The following GAB1 variants were observed in gnomAD, a reference collection of about 807,000 sequenced individuals.
GAB1 encodes the protein GRB2-associated-binding protein 1.
Under a neutral mutation model 66.5 loss-of-function variants are expected in GAB1, and 19 were observed. That is an observed-to-expected ratio of 0.29 (90% confidence interval 0.20 to 0.42). The LOEUF (loss-of-function observed/expected upper bound fraction) is 0.42. GAB1 is among the 10% of genes least tolerant of loss of function. The pLI, the probability that GAB1 is intolerant of heterozygous loss-of-function variation, is 1.00. For missense variants in GAB1, 732 were observed against 858.5 expected (o/e 0.85, Z 1.84); for synonymous variants, 294 against 301.4 (o/e 0.98, Z 0.25).
At position 143,473,746 on chromosome 4, in the gene GAB1, C is replaced by G. The variant is rs1736174326; in HGVS notation, c.*4557C>G. On this transcript the variant is annotated 3_prime_UTR_variant, in exon 10 of 10. Transcript: ENST00000262994. ...GGATTTTTCATTTCTATGAAAGTTT[C>G]AAACATCTCCAGTACTTTATAAAAT... is the stretch of plus-strand genomic sequence containing the variant. The G allele has an allele frequency of 6.6e-6, 1 of 152,148 alleles. No homozygotes were observed. The highest frequency in any genetic ancestry group is 6.6e-5 in the Admixed American group (1 of 15,260). 9.4% of individuals were successfully genotyped at this position (152,148 alleles called of 1,614,324 possible). A position where few individuals can be genotyped will look rare whatever the true frequency, so the allele number is the denominator to read the frequency against.
At chr4:143,399,001 C>T (rs1321643187) in intron 1 of GAB1, among the ~76,000 whole-genome samples, 1 of 152,136 alleles carries the variant, frequency 6.6e-6, no homozygotes, top group African/African-American at 2.4e-5. Context: ...GATGAGTGTG[C>T]TTTCTGATAG....
intron 8 of GAB1, 41 bp from the exon 9 acceptor site, chr4:143,466,062 G>A (rs1735763768): frequency 1.9e-6 from 3 of 1,608,404 alleles, no homozygotes; most frequent in South Asian, 2.2e-5. Context: ...GGTATGTCTG[G>A]TGAATGTCTG....
chr4:143,423,737 C>T (rs1733149663), intron 2 of GAB1, among the ~76,000 whole-genome samples: 1 of 139,572 alleles, frequency 7.2e-6, no homozygotes, highest in African/African-American at 2.6e-5. Context: ...GATCGCGCCA[C>T]TGCACTCCAG....
chr4:143,456,528 G>A (rs1301804492), intron 6 of GAB1, among the ~76,000 whole-genome samples: 1 of 152,018 alleles, frequency 6.6e-6, no homozygotes, highest in Admixed American at 6.6e-5. Flanking sequence ...CCTGGATTAG[G>A]GAATTTTAGG....
In GAB1 at chr4:143,440,338, G is replaced by C. The variant is rs1734160338; in HGVS notation, c.1541G>C (p.Cys514Ser). 6.2e-7 allele frequency: 1 copy of C among 1,613,984 alleles called. No individual in the cohort carries two copies. The highest frequency in any genetic ancestry group is 8.5e-7 in the Non-Finnish European group (1 of 1,179,940). ...AGAAGGCCAGTTCCTGTTGCAGACTGTGAACCACCCCCCGTGGATAGGAAC... is the reference window on the plus strand; with the variant it reads ...AGAAGGCCAGTTCCTGTTGCAGACTCTGAACCACCCCCCGTGGATAGGAAC... ...PPRRPVPVAD[C>S]EPPPVDRNLK... The change falls in exon 6 of 10, where the codon TGT becomes TCT. Residue 514 changes from cysteine (C) to serine (S), a missense_variant. Around this residue, in one of 4 missense-constraint regions of GAB1, gnomAD observed 204 missense variants for 276.8 expected, o/e 0.74. Transcript: ENST00000262994.
chr4:143,395,910 C>T (rs1228096294), intron 1 of GAB1: 53 of 455,306 alleles, frequency 1.2e-4, no homozygotes, highest in Non-Finnish European at 9.3e-5. Flanking sequence ...GGGAGAGCAG[C>T]GTAGGAAATT....
At position 143,336,942 on chromosome 4, in the gene GAB1, GCGCACTGAAAGGAGGCCGGCGCGCC is replaced by G. The variant is rs1728670771; in HGVS notation, c.-243_-219del. On this transcript the variant is annotated 5_prime_UTR_variant, in exon 1 of 10. Coordinates refer to ENST00000262994, the MANE Select transcript of GAB1 (RefSeq NM_002039.4). Reference sequence around the variant, plus strand: ...GACGGCACGTCTGGAGGCGAGGCGGGCGCACTGAAAGGAGGCCGGCGCGCCCGCGGCCCCGGCTCGCGTTCTGTTC... The same window carrying G: ...GACGGCACGTCTGGAGGCGAGGCGGGCGCGGCCCCGGCTCGCGTTCTGTTC... 2.1e-6 allele frequency: 1 copy of G among 478,370 alleles called. No homozygotes were observed. Among genetic ancestry groups the G allele is most frequent in the African/African-American group, 2.1e-5 (1 of 48,130 alleles). The allele number at this position is 478,370 out of a possible 1,614,324, so 29.6% of individuals were successfully genotyped here.
rs1277731354 is a variant in GAB1 at position 143,386,983 on chromosome 4, G to A, written c.73-28494G>A. Among the ~76,000 whole-genome samples the A allele has an allele frequency of 3.3e-5, 5 of 152,292 alleles. No homozygotes were observed. In the East Asian group the frequency reaches 9.6e-4, roughly 29 times the overall value. ...CAATGGGGAAATGAACATGGGAGGA[G>A]CAACTGGTAGTCTCTGCCACAGTAA... On this transcript the variant is annotated intron_variant, in intron 1 of 9. Transcript: ENST00000262994.
chr4:143,439,727 A>G, intron 4 of GAB1, 75 bp from the exon 5 acceptor site: 1 of 964,568 alleles, frequency 1.0e-6, no homozygotes, highest in Non-Finnish European at 1.7e-6. Flanking sequence ...TGAGAGAAAG[A>G]TAATAGGTCA....
At chr4:143,355,355 G>T (rs1196232128) in intron 1 of GAB1, among the ~76,000 whole-genome samples, 1 of 152,046 alleles carries the variant, frequency 6.6e-6, no homozygotes, top group Non-Finnish European at 1.5e-5. Flanking sequence ...CATTTCCAGA[G>T]CCTTTTAGCT....
intron 6 of GAB1, among the ~76,000 whole-genome samples, chr4:143,449,275 G>T (rs1462383375): frequency 6.6e-6 from 1 of 151,860 alleles, no homozygotes; most frequent in Non-Finnish European, 1.5e-5. Context: ...TGTTGATTTG[G>T]GGTGGAGAGT....
chr4:143,342,638 A>G (rs761061040), intron 1 of GAB1, among the ~76,000 whole-genome samples: 5 of 140,940 alleles, frequency 3.5e-5, no homozygotes, highest in Non-Finnish European at 7.5e-5. Context: ...GCTCACTGCA[A>G]CCTCCATCTC....
chr4:143,452,468 TAC>T (rs1374563565), intron 6 of GAB1, among the ~76,000 whole-genome samples: 2 of 152,144 alleles, frequency 1.3e-5, no homozygotes, highest in African/African-American at 4.8e-5. Context: ...TAAAATAAGT[TAC>T]AGTGATGAGG....
chr4:143,448,222 G>A (rs991520560), intron 6 of GAB1, among the ~76,000 whole-genome samples: 1 of 151,868 alleles, frequency 6.6e-6, no homozygotes, highest in African/African-American at 2.4e-5. Flanking sequence ...TTGCATCAAT[G>A]TTCATCAAGG....
intron 1 of GAB1, among the ~76,000 whole-genome samples, chr4:143,397,090 A>G (rs1731490133): frequency 6.6e-6 from 1 of 152,170 alleles, no homozygotes; most frequent in African/African-American, 2.4e-5. Context: ...GGAATATTTT[A>G]ATGTAAATAT....
intron 1 of GAB1, among the ~76,000 whole-genome samples, chr4:143,384,342 TAAA>T (rs1194032486): frequency 6.6e-6 from 1 of 152,250 alleles, no homozygotes; most frequent in Non-Finnish European, 1.5e-5. Context: ...TTTATCGCAT[TAAA>T]AAAGTGAAAT....
At chr4:143,464,766 G>T (rs1488245408) in intron 8 of GAB1, among the ~76,000 whole-genome samples, 1 of 152,166 alleles carries the variant, frequency 6.6e-6, no homozygotes, top group Non-Finnish European at 1.5e-5. Context: ...TTGCAAAAAG[G>T]TTCCATACCA....
intron 1 of GAB1, among the ~76,000 whole-genome samples, chr4:143,350,544 G>A (rs1030466416): frequency 2.6e-5 from 4 of 151,936 alleles, no homozygotes; most frequent in Admixed American, 2.0e-4. Flanking sequence ...TGGGCGTGGT[G>A]GTGCATGCCT....
intron 2 of GAB1, among the ~76,000 whole-genome samples, chr4:143,421,806 T>C (rs1168010878): frequency 2.0e-5 from 3 of 151,196 alleles, no homozygotes; most frequent in African/African-American, 7.3e-5. Flanking sequence ...TCCCCACAAG[T>C]GATTCTTAGG....
Sources: gnomAD v4.1 joint callset for allele counts (sites outside exome capture counted in the v4.1 genomes callset) on GRCh38, gnomAD v4.1.1 for gene constraint, gnomAD v4.1.1 regional missense constraint, MANE v1.5 for transcripts, NCBI Gene and HGNC (gene_info 2026-07-23, HGNC 2026-07-21) for gene names.